The following CALN1 variants were observed in gnomAD, a reference collection of about 807,000 sequenced individuals.
CALN1 encodes the protein calneuron 1, also known as calcium-binding protein 8.
CALN1 carries 17 observed loss-of-function variants against 30.6 expected under a neutral mutation model. The ratio of observed to expected loss-of-function variants is 0.56; its 90% CI spans 0.38 to 0.83. The LOEUF is 0.83. CALN1 is among the 40% of genes least tolerant of loss of function. The probability of loss-of-function intolerance (pLI) is 0.00; values close to 1 mark genes in which losing one functional copy is unlikely to be tolerated. For missense variants in CALN1, 291 were observed against 354.9 expected, an observed-to-expected ratio of 0.82 and a Z score of 1.45; for synonymous variants, 156 against 131.4, an observed-to-expected ratio of 1.19 and a Z score of -1.28.
Position 71,881,204 on chromosome 7 carries a change from G to A in CALN1, c.502-70712C>T, listed in dbSNP as rs143228851. Among the ~76,000 whole-genome samples, 1,111 of 152,250 alleles carry A rather than the reference G, an allele frequency of 7.3e-3. 12 individuals carry two copies. The highest frequency in any genetic ancestry group is 0.025 in the African/African-American group (1,042 of 41,534). On this transcript the variant is annotated intron_variant, in intron 5 of 6. Coordinates refer to ENST00000395275, the MANE Select transcript of CALN1 (RefSeq NM_031468.4). ...TTGCCAGGGGCTCTCAGGCCTTTTG[G>A]CCACAGACTGAAGGCTGCACTGTTG... is the stretch of plus-strand genomic sequence containing the variant.
chr7:72,216,294 TGTGCACCTGTA>T (rs1319075585), intron 3 of CALN1, among the ~76,000 whole-genome samples: 1 of 151,922 alleles, frequency 6.6e-6, no homozygotes, highest in Non-Finnish European at 1.5e-5. Flanking sequence ...AGCGTGGTGG[TGTGCACCTGTA>T]GTCCCAGATA....
chr7:72,222,487 A>AC (rs1335220994), intron 3 of CALN1, among the ~76,000 whole-genome samples: 1 of 152,210 alleles, frequency 6.6e-6, no homozygotes, highest in Non-Finnish European at 1.5e-5. Context: ...TAAGGACAGT[A>AC]CCAAGGAGGA....
At chr7:72,297,611 T>C (rs1798957402) in intron 2 of CALN1, among the ~76,000 whole-genome samples, 1 of 152,230 alleles carries the variant, frequency 6.6e-6, no homozygotes, top group Non-Finnish European at 1.5e-5. Context: ...CATAACACTT[T>C]GTTATACAGT....
chr7:72,153,633 G>A (rs1037688724), intron 3 of CALN1, among the ~76,000 whole-genome samples: 4 of 152,064 alleles, frequency 2.6e-5, no homozygotes, highest in African/African-American at 9.7e-5. Context: ...AGTGAGCCAT[G>A]ATTCGTCACT....
intron 3 of CALN1, among the ~76,000 whole-genome samples, chr7:72,169,296 T>C (rs745698484): frequency 6.6e-5 from 10 of 152,040 alleles, no homozygotes; most frequent in Non-Finnish European, 1.0e-4. Context: ...CTTGTTTTTA[T>C]CTTTTTGCTT....
At chr7:72,381,555 C>A (rs990357465) in intron 2 of CALN1, among the ~76,000 whole-genome samples, 4 of 152,142 alleles carry the variant, frequency 2.6e-5, no homozygotes, top group Admixed American at 6.5e-5. Flanking sequence ...TTCGCAGGGG[C>A]ATAGTTGAGC....
the CALN1 span, among the ~76,000 whole-genome samples, chr7:72,464,098 AAGAG>A: frequency 2.5e-4 from 36 of 142,260 alleles, no homozygotes; most frequent in African/African-American, 8.8e-4. Flanking sequence ...GAAAGAAAGA[AAGAG>A]AGAGAAGAAA....
At chr7:71,841,249 G>A (rs370776849) in intron 5 of CALN1, among the ~76,000 whole-genome samples, 12 of 152,310 alleles carry the variant, frequency 7.9e-5, no homozygotes, top group African/African-American at 2.2e-4. Context: ...CTCTCACTCC[G>A]GGAAGGCAGG....
chr7:72,503,054 G>A, the CALN1 span, among the ~76,000 whole-genome samples: 1 of 152,100 alleles, frequency 6.6e-6, no homozygotes, highest in African/African-American at 2.4e-5. Context: ...GCTGAGGCAG[G>A]AGAATCGCTT....
At chr7:72,390,207 A>AT (rs1454473260) in intron 2 of CALN1, among the ~76,000 whole-genome samples, 1 of 151,930 alleles carries the variant, frequency 6.6e-6, no homozygotes, top group African/African-American at 2.4e-5. Context: ...GAGGCGGGTG[A>AT]ATCATGAGGT....
At chr7:72,258,696 T>C (rs1442404807) in intron 3 of CALN1, among the ~76,000 whole-genome samples, 2 of 152,052 alleles carry the variant, frequency 1.3e-5, no homozygotes, top group African/African-American at 2.4e-5. Context: ...GGTGGGCAGA[T>C]CACCCAAGGT....
Position 72,372,767 on chromosome 7 carries a change from C to T in CALN1, c.119+30484G>A, listed in dbSNP as rs962073086. 2.0e-5 allele frequency among the ~76,000 whole-genome samples: 3 copies of T among 152,106 alleles called. No homozygotes were observed. In the East Asian group the frequency reaches 5.8e-4, roughly 29 times the overall value. ...TGGATCCAACCAGACTGATCGCCTA[C>T]TAAAATAAAACCAAAAAAATTCTAC... On this transcript the variant is annotated intron_variant, in intron 2 of 6. Coordinates refer to ENST00000395275, the MANE Select transcript of CALN1 (RefSeq NM_031468.4).
the CALN1 span, among the ~76,000 whole-genome samples, chr7:72,482,500 C>T: frequency 6.6e-6 from 1 of 151,688 alleles, no homozygotes; most frequent in African/African-American, 2.4e-5. Context: ...CCATTTAATC[C>T]CCCTTTGTTG....
At chr7:72,122,682 C>T (rs1019954286) in intron 3 of CALN1, among the ~76,000 whole-genome samples, 3 of 152,126 alleles carry the variant, frequency 2.0e-5, no homozygotes, top group East Asian at 3.9e-4. Flanking sequence ...ACTGTGATCA[C>T]GCCGCTGCAC....
intron 3 of CALN1, among the ~76,000 whole-genome samples, chr7:72,247,185 G>A (rs1795229467): frequency 1.3e-5 from 2 of 148,418 alleles, no homozygotes; most frequent in Non-Finnish European, 1.5e-5. Flanking sequence ...GAACTTCGTG[G>A]GTCCTTGGTC....
At position 72,055,652 on chromosome 7, in the gene CALN1, T is replaced by C. The variant is rs561013314; in HGVS notation, c.389-31883A>G. Reference sequence around the variant, plus strand: ...AAATTATGAAATACTGTACTTTATATAGCTGAAAGCAAATACATTTTAAAA... The same window carrying C: ...AAATTATGAAATACTGTACTTTATACAGCTGAAAGCAAATACATTTTAAAA... On this transcript the variant is annotated intron_variant, in intron 4 of 6. Transcript: ENST00000395275. Among the ~76,000 whole-genome samples, 200 of 152,282 alleles carry C rather than the reference T, an allele frequency of 1.3e-3. 1 individual carries two copies. Among genetic ancestry groups the C allele is most frequent in the African/African-American group, 4.5e-3 (186 of 41,558 alleles).
At chr7:72,337,444 ATG>A in intron 2 of CALN1, 1 of 190,730 alleles carries the variant, frequency 5.2e-6, no homozygotes, top group Non-Finnish European at 9.6e-6. Context: ...ACACACACGC[ATG>A]CACATGCACG....
rs897275784 is a variant in CALN1, at chr7:72,017,171, A to T, written c.501+6486T>A. ...AGAGAGAGACTCTGTCTCAAAAATT[A>T]AAAAAAAAAAAAAAAAAAAAGAGTC... is the stretch of plus-strand genomic sequence containing the variant. On this transcript the variant is annotated intron_variant, in intron 5 of 6. Coordinates refer to ENST00000395275, the MANE Select transcript of CALN1 (RefSeq NM_031468.4). 2.5e-4 allele frequency among the ~76,000 whole-genome samples: 13 copies of T among 51,404 alleles called. No homozygotes were observed. In the African/African-American group the frequency reaches 2.6e-3, roughly 10 times the overall value. The allele number at this position is 51,404 out of a possible 152,430, so 33.7% of individuals were successfully genotyped here.
chr7:71,980,183 TTTTC>T (rs1798320230), intron 5 of CALN1, among the ~76,000 whole-genome samples: 1 of 145,084 alleles, frequency 6.9e-6, no homozygotes, highest in African/African-American at 2.6e-5. Context: ...GGCCTCTTCT[TTTTC>T]TTTTTTTTTT....
Sources: allele counts gnomAD v4.1 joint callset (sites outside exome capture counted in the v4.1 genomes callset), GRCh38; gene constraint gnomAD v4.1.1; transcripts MANE v1.5; gene names NCBI Gene and HGNC (gene_info 2026-07-23, HGNC 2026-07-21).